Variants in ARHGAP24 observed in about 807,000 individuals in gnomAD.
ARHGAP24 encodes Rho GTPase activating protein 24, also known as rho GTPase-activating protein 24.
In ARHGAP24, 50 loss-of-function variants were observed where a neutral mutation model predicts 76.4. That is an observed-to-expected ratio of 0.65 (90% CI 0.52 to 0.83). The LOEUF is 0.83. ARHGAP24 is among the 40% of genes least tolerant of loss of function. The pLI, the probability that ARHGAP24 is intolerant of heterozygous loss-of-function variation, is 0.00. For missense variants in ARHGAP24, 930 were observed against 914.2 expected, an observed-to-expected ratio of 1.02 and a Z score of -0.22; for synonymous variants, 345 against 323.3, an observed-to-expected ratio of 1.07 and a Z score of -0.72.
At position 85,553,527 on chromosome 4, in the gene ARHGAP24, A is replaced by C. The variant is rs374203342; in HGVS notation, c.-20-16995A>C. Among the ~76,000 whole-genome samples, 7 of 152,160 alleles carry C rather than the reference A, an allele frequency of 4.6e-5. No homozygotes were observed. In the East Asian group the frequency reaches 1.3e-3, roughly 29 times the overall value. On this transcript the variant is annotated intron_variant, in intron 1 of 9. Coordinates refer to ENST00000395184, the MANE Select transcript of ARHGAP24 (RefSeq NM_001025616.3). ...TTGGTGCATTTACAATCCTTTAGCT[A>C]GATAGAAAAGTTCTCCAAGTCCCCT... is the stretch of plus-strand genomic sequence containing the variant.
chr4:85,541,050 C>T (rs1725666922), intron 1 of ARHGAP24, among the ~76,000 whole-genome samples: 1 of 132,276 alleles, frequency 7.6e-6, no homozygotes, highest in African/African-American at 3.9e-5. Flanking sequence ...GGTATTTGTG[C>T]AGGTGTGATA....
intron 1 of ARHGAP24, among the ~76,000 whole-genome samples, chr4:85,494,942 C>T (rs1578184705): frequency 6.6e-6 from 1 of 151,520 alleles, no homozygotes; most frequent in Middle Eastern, 3.4e-3. Flanking sequence ...AATAAAAATA[C>T]AAGAAATTAG....
intron 1 of ARHGAP24, among the ~76,000 whole-genome samples, chr4:85,495,717 G>A (rs1723553434): frequency 6.6e-6 from 1 of 152,062 alleles, no homozygotes; most frequent in Non-Finnish European, 1.5e-5. Flanking sequence ...TACTAGTAGT[G>A]TGTCTATTTT....
Position 85,564,970 on chromosome 4 carries a change from AC to A in ARHGAP24, c.-20-5549del, listed in dbSNP as rs70948736. Among the ~76,000 whole-genome samples, 141 of 116,430 alleles carry A rather than the reference AC, an allele frequency of 1.2e-3. 1 individual carries two copies. Among genetic ancestry groups the A allele is most frequent in the African/African-American group, 4.6e-3 (138 of 29,830 alleles). The allele number at this position is 116,430 out of a possible 152,430, so 76.4% of individuals were successfully genotyped here. A position where few individuals can be genotyped will look rare whatever the true frequency, so the allele number is the denominator to read the frequency against. On this transcript the variant is annotated intron_variant, in intron 1 of 9. Coordinates refer to ENST00000395184, the MANE Select transcript of ARHGAP24 (RefSeq NM_001025616.3). ...TATATATATATATATATATATATAT[AC>A]CCACACCCACCATACACCCACACAT...
At chr4:85,572,556 G>A (rs1248363538) in intron 2 of ARHGAP24, among the ~76,000 whole-genome samples, 4 of 152,030 alleles carry the variant, frequency 2.6e-5, no homozygotes, top group African/African-American at 9.7e-5. Flanking sequence ...ATTTTAAAAT[G>A]TAAAAACTCC....
At chr4:85,825,842 A>G (rs1331999140) in intron 3 of ARHGAP24, among the ~76,000 whole-genome samples, 1 of 152,164 alleles carries the variant, frequency 6.6e-6, no homozygotes, top group East Asian at 1.9e-4. Context: ...CTATATAAAA[A>G]CCACACTTTA....
At chr4:85,812,540 T>C (rs1039810142) in intron 3 of ARHGAP24, among the ~76,000 whole-genome samples, 91 of 152,068 alleles carry the variant, frequency 6.0e-4, no homozygotes, top group African/African-American at 2.1e-3. Flanking sequence ...AAAAATCTCC[T>C]GTGTTAAGGA....
intron 2 of ARHGAP24, among the ~76,000 whole-genome samples, chr4:85,629,285 G>A (rs1251647271): frequency 6.6e-6 from 1 of 152,146 alleles, no homozygotes; most frequent in Non-Finnish European, 1.5e-5. Context: ...TGGCATCACA[G>A]TTTATGTCTT....
At chr4:85,864,570 T>G (rs1484439212) in intron 3 of ARHGAP24, among the ~76,000 whole-genome samples, 2 of 151,934 alleles carry the variant, frequency 1.3e-5, no homozygotes, top group African/African-American at 4.8e-5. Flanking sequence ...GATGCCAAAC[T>G]TATGATAGAC....
At chr4:85,811,131 G>A (rs1728996115) in intron 3 of ARHGAP24, among the ~76,000 whole-genome samples, 1 of 152,174 alleles carries the variant, frequency 6.6e-6, no homozygotes, top group African/African-American at 2.4e-5. Flanking sequence ...GCTACTAGCA[G>A]CTTTTCTAAT....
intron 3 of ARHGAP24, among the ~76,000 whole-genome samples, chr4:85,832,398 T>C (rs1244756679): frequency 6.6e-6 from 1 of 152,156 alleles, no homozygotes; most frequent in East Asian, 1.9e-4. Context: ...AGGTGGGTCT[T>C]TTACTATTAT....
intron 3 of ARHGAP24, among the ~76,000 whole-genome samples, chr4:85,739,084 C>T (rs1031093151): frequency 1.3e-5 from 2 of 152,188 alleles, no homozygotes; most frequent in South Asian, 4.1e-4. Flanking sequence ...CCATGCCACA[C>T]CTGACTCCTC....
chr4:85,616,014 G>A (rs1368723696), intron 2 of ARHGAP24, among the ~76,000 whole-genome samples: 1 of 152,188 alleles, frequency 6.6e-6, no homozygotes, highest in African/African-American at 2.4e-5. Flanking sequence ...TTTCTCTGAT[G>A]CTGGAAGATG....
intron 5 of ARHGAP24, among the ~76,000 whole-genome samples, chr4:85,959,353 G>T (rs1738109441): frequency 6.6e-6 from 1 of 152,030 alleles, no homozygotes; most frequent in African/African-American, 2.4e-5. Context: ...TCATCAGCAG[G>T]GTCTTTATGA....
chr4:85,675,281 G>C (rs1487652926), intron 2 of ARHGAP24, among the ~76,000 whole-genome samples: 3 of 152,188 alleles, frequency 2.0e-5, no homozygotes, highest in Non-Finnish European at 4.4e-5. Flanking sequence ...CTTCATGGAA[G>C]TCAGGCAAGA....
At chr4:85,651,283 G>A (rs1721931973) in intron 2 of ARHGAP24, among the ~76,000 whole-genome samples, 1 of 149,312 alleles carries the variant, frequency 6.7e-6, no homozygotes, top group Admixed American at 6.6e-5. Context: ...GCTTGATGTT[G>A]TGTAGCATAG....
At chr4:85,986,562 A>G (rs1474615128) in intron 8 of ARHGAP24, among the ~76,000 whole-genome samples, 1 of 152,164 alleles carries the variant, frequency 6.6e-6, no homozygotes, top group African/African-American at 2.4e-5. Flanking sequence ...AAATCCAGGT[A>G]TTGCTGAGCT....
intron 1 of ARHGAP24, among the ~76,000 whole-genome samples, chr4:85,513,373 C>T (rs890356996): frequency 1.3e-5 from 2 of 152,136 alleles, no homozygotes; most frequent in African/African-American, 4.8e-5. Flanking sequence ...CATGGGGATT[C>T]CTGTTTCAGT....
intron 8 of ARHGAP24, among the ~76,000 whole-genome samples, chr4:85,992,489 C>G (rs1030257558): frequency 6.6e-6 from 1 of 152,108 alleles, no homozygotes; most frequent in Non-Finnish European, 1.5e-5. Flanking sequence ...CCACACAGTT[C>G]ATAGCTATGA....
Sources: allele counts gnomAD v4.1 joint callset (sites outside exome capture counted in the v4.1 genomes callset), GRCh38; gene constraint gnomAD v4.1.1; transcripts MANE v1.5; gene names NCBI Gene and HGNC (gene_info 2026-07-23, HGNC 2026-07-21).